Variants in DNAH11 observed in about 807,000 individuals in gnomAD.
DNAH11 encodes dynein axonemal heavy chain 11.
DNAH11 carries 442 observed loss-of-function variants against 526.0 expected under a neutral mutation model. The observed-to-expected ratio is 0.84, with a 90% confidence interval of 0.78 to 0.91. The LOEUF (loss-of-function observed/expected upper bound fraction) is 0.91, where lower values mean the gene tolerates loss of function less well. Among genes scored for constraint, DNAH11 ranks in the 40% least tolerant of loss-of-function variants. The pLI is 0.00. For synonymous variants in DNAH11, 2,461 were observed against 1,935.9 expected, an observed-to-expected ratio of 1.27 and a Z score of -7.12; for missense variants, 6,989 against 5,448.7, an observed-to-expected ratio of 1.28 and a Z score of -8.90.
chr7:21,607,422 CA>C (rs1562696457), intron 20 of DNAH11, among the ~76,000 whole-genome samples: 1 of 152,116 alleles, frequency 6.6e-6, no homozygotes, highest in East Asian at 1.9e-4. Flanking sequence ...CACCCAGGAA[CA>C]ATACTTTGTA....
intron 61 of DNAH11, among the ~76,000 whole-genome samples, chr7:21,799,664 T>G (rs974920838): frequency 6.6e-6 from 1 of 152,202 alleles, no homozygotes; most frequent in Non-Finnish European, 1.5e-5. Context: ...TAACTGGTGA[T>G]GTATAATATC....
intron 45 of DNAH11, among the ~76,000 whole-genome samples, chr7:21,729,078 C>T (rs889810768): frequency 6.6e-6 from 1 of 152,266 alleles, no homozygotes; most frequent in Non-Finnish European, 1.5e-5. Context: ...TCTCCCTGAT[C>T]TGTACCTTTC....
intron 30 of DNAH11, among the ~76,000 whole-genome samples, chr7:21,670,837 A>AT (rs1466203724): frequency 4.6e-5 from 7 of 151,302 alleles, no homozygotes; most frequent in African/African-American, 1.7e-4. Flanking sequence ...ATAATAAACA[A>AT]TTGGTTATGA....
chr7:21,561,312 AC>A, intron 5 of DNAH11, 142 bp downstream of exon 5: 1 of 643,286 alleles, frequency 1.6e-6, no homozygotes, highest in South Asian at 2.0e-5. Context: ...AATTCATCTC[AC>A]CCTTTGTACT....
intron 81 of DNAH11, among the ~76,000 whole-genome samples, chr7:21,900,632 T>C (rs901243218): frequency 6.6e-6 from 1 of 152,154 alleles, no homozygotes; most frequent in African/African-American, 2.4e-5. Flanking sequence ...TTTTTCAGTT[T>C]AAAGCAAGTG....
At chr7:21,869,264 C>T (rs1783407761) in intron 73 of DNAH11, among the ~76,000 whole-genome samples, 1 of 152,174 alleles carries the variant, frequency 6.6e-6, no homozygotes. Context: ...TTAGAGATAT[C>T]TGGAACACTC....
intron 32 of DNAH11, among the ~76,000 whole-genome samples, chr7:21,684,691 G>C (rs1253344311): frequency 6.6e-6 from 1 of 152,204 alleles, no homozygotes; most frequent in Admixed American, 6.5e-5. Flanking sequence ...GGGATAGAAA[G>C]AAAGCCAGTG....
intron 54 of DNAH11, among the ~76,000 whole-genome samples, chr7:21,751,361 A>T (rs939786739): frequency 4.6e-5 from 7 of 152,152 alleles, no homozygotes; most frequent in Non-Finnish European, 7.3e-5. Flanking sequence ...GTTCTGAAGG[A>T]TTACCCCAGT....
chr7:21,695,544 C>T (rs1023364987), intron 35 of DNAH11, among the ~76,000 whole-genome samples: 2 of 151,930 alleles, frequency 1.3e-5, no homozygotes, highest in African/African-American at 4.8e-5. Context: ...TAGCCATATG[C>T]AGAAAAAAAG....
Position 21,615,043 on chromosome 7 carries a change from C to T in DNAH11, c.3853-71C>T, listed in dbSNP as rs983989192. The T allele has an allele frequency of 2.1e-5, 30 of 1,419,476 alleles. No homozygotes were observed. The East Asian group carries it at 6.0e-4, about 29-fold the overall frequency. The allele number at this position is 1,419,476 out of a possible 1,614,324, so 87.9% of individuals were successfully genotyped here. Reference sequence around the variant, plus strand: ...TCAAAGATTGAAATGTCGAGATAACCAGAGCTACAGAACTGCATGTCTTCT... The same window carrying T: ...TCAAAGATTGAAATGTCGAGATAACTAGAGCTACAGAACTGCATGTCTTCT... On this transcript the variant is annotated intron_variant, in intron 20 of 81. Coordinates refer to ENST00000409508, the MANE Select transcript of DNAH11 (RefSeq NM_001277115.2).
At chr7:21,896,745 T>C (rs976834358) in intron 79 of DNAH11, among the ~76,000 whole-genome samples, 1 of 152,148 alleles carries the variant, frequency 6.6e-6, no homozygotes, top group African/African-American at 2.4e-5. Flanking sequence ...TCTTCAACTG[T>C]CTCCAATCTG....
At chr7:21,740,949 T>C (rs137979489) in intron 48 of DNAH11, among the ~76,000 whole-genome samples, 202 of 152,324 alleles carry the variant, frequency 1.3e-3, no homozygotes, top group Middle Eastern at 0.01. Context: ...CAGTATCTCA[T>C]AGTTATGATT....
intron 61 of DNAH11, among the ~76,000 whole-genome samples, chr7:21,790,226 C>A (rs1306914421): frequency 6.6e-6 from 1 of 152,024 alleles, no homozygotes; most frequent in East Asian, 1.9e-4. Context: ...GCGGGCAGAT[C>A]ACGACATCAG....
At position 21,594,979 on chromosome 7, in the gene DNAH11, A is replaced by G. The variant is rs565445048; in HGVS notation, c.2667+3402A>G. Among the ~76,000 whole-genome samples the G allele has an allele frequency of 2.6e-5, 4 of 152,314 alleles. No homozygotes were observed. In the East Asian group the frequency reaches 7.7e-4, roughly 29 times the overall value. ...TGGCTGTTGTGTTGAGACCCTCTGT[A>G]GGGAGGCTAGGGAAGAGGCAGGCCG... On this transcript the variant is annotated intron_variant, in intron 14 of 81. Coordinates refer to ENST00000409508, the MANE Select transcript of DNAH11 (RefSeq NM_001277115.2).
At chr7:21,613,143 T>A (rs1268907612) in intron 20 of DNAH11, among the ~76,000 whole-genome samples, 1 of 152,164 alleles carries the variant, frequency 6.6e-6, no homozygotes. Flanking sequence ...AATGTAGTAC[T>A]ATGCAGTAGG....
At chr7:21,721,301 G>A (rs1784866447) in intron 44 of DNAH11, among the ~76,000 whole-genome samples, 1 of 152,118 alleles carries the variant, frequency 6.6e-6, no homozygotes, top group Non-Finnish European at 1.5e-5. Context: ...TCTGTGTCCT[G>A]TGATCTCAGA....
rs150244858 is a variant in DNAH11, at chr7:21,654,052, A to G, written c.4945-1780A>G. The stretch of plus-strand genomic sequence containing the variant: ...GAAATGTTTTGTATTGCTTCACCCT[A>G]TCTTCTGGTTATCAGCAGCTCATAT... On this transcript the variant is annotated intron_variant, in intron 28 of 81. Transcript: ENST00000409508. Among the ~76,000 whole-genome samples, 369 of 152,204 alleles carry G rather than the reference A, an allele frequency of 2.4e-3. 1 individual carries two copies. Among genetic ancestry groups the G allele is most frequent in the African/African-American group, 8.5e-3 (353 of 41,538 alleles).
chr7:21,700,703 C>A (rs1330792192), intron 36 of DNAH11, among the ~76,000 whole-genome samples: 1 of 152,114 alleles, frequency 6.6e-6, no homozygotes, highest in Non-Finnish European at 1.5e-5. Context: ...AGACTTGGAA[C>A]CAACCCAAAT....
rs1016139987 is a variant in DNAH11, at chr7:21,543,518, G to T, written c.273G>T (p.Gly91=). ...GCGAGGACAACCGGCAGGTTCTTGG[G>T]GAGTTTCTGGAAAGCACCAGCCCGG... ...LESEDNRQVL[G]EFLESTSPAC... is the part of the protein sequence containing the mutation. Residue 91 remains glycine (G), a synonymous_variant, in exon 1 of 82, where the codon GGG becomes GGT. Coordinates refer to ENST00000409508, the MANE Select transcript of DNAH11 (RefSeq NM_001277115.2). 7.3e-5 allele frequency: 117 copies of T among 1,609,600 alleles called. No individual in the cohort carries two copies. The highest frequency in any genetic ancestry group is 9.8e-5 in the Non-Finnish European group (116 of 1,178,016).
Sources: allele counts gnomAD v4.1 joint callset (sites outside exome capture counted in the v4.1 genomes callset), GRCh38; gene constraint gnomAD v4.1.1; transcripts MANE v1.5; gene names NCBI Gene and HGNC (gene_info 2026-07-23, HGNC 2026-07-21).